The following NEBL variants were observed in gnomAD, a reference collection of about 807,000 sequenced individuals.
The protein encoded by NEBL is LIM and SH3 protein 2.
NEBL carries 122 observed loss-of-function variants against 140.2 expected under a neutral mutation model. The ratio of observed to expected loss-of-function variants is 0.87; its 90% CI spans 0.75 to 1.01. The LOEUF (loss-of-function observed/expected upper bound fraction) is 1.01. NEBL is among the 50% of genes least tolerant of loss of function. NEBL has a pLI of 0.00. For synonymous variants in NEBL, 436 were observed against 398.9 expected (o/e 1.09, Z -1.11); for missense variants, 1,365 against 1,231.3 (o/e 1.11, Z -1.62).
intron 2 of NEBL, among the ~76,000 whole-genome samples, chr10:21,020,992 T>A (rs572525507): frequency 6.6e-6 from 1 of 152,148 alleles, no homozygotes; most frequent in South Asian, 2.1e-4. Flanking sequence ...CCAGCACAAC[T>A]CCACCAGTCC....
intron 1 of NEBL, among the ~76,000 whole-genome samples, chr10:21,275,128 G>A (rs977521450): frequency 6.6e-6 from 1 of 152,070 alleles, no homozygotes; most frequent in Admixed American, 6.6e-5. Flanking sequence ...CAGATGAGAT[G>A]CCCACCCCAC....
At chr10:21,171,794 A>T (rs1026757045) in intron 2 of NEBL, 1 of 161,592 alleles carries the variant, frequency 6.2e-6, no homozygotes, top group Non-Finnish European at 1.4e-5. Flanking sequence ...CTACTACAGC[A>T]CTAACCAGTC....
intron 4 of NEBL, among the ~76,000 whole-genome samples, chr10:20,926,283 G>T (rs1356314871): frequency 6.6e-6 from 1 of 152,122 alleles, no homozygotes; most frequent in East Asian, 1.9e-4. Flanking sequence ...GAAGTAACCT[G>T]GTACCACAGA....
chr10:20,870,522 C>T (rs975322170), intron 5 of NEBL, among the ~76,000 whole-genome samples: 1 of 152,088 alleles, frequency 6.6e-6, no homozygotes, highest in Non-Finnish European at 1.5e-5. Context: ...CACAAAGTCT[C>T]AAGCCCCAGT....
chr10:21,242,719 T>A (rs189713836), intron 3 of NEBL, among the ~76,000 whole-genome samples: 7 of 152,314 alleles, frequency 4.6e-5, no homozygotes, highest in African/African-American at 1.7e-4. Flanking sequence ...AGGTAGTTTG[T>A]ATTTACAAAG....
chr10:21,172,946 C>T (rs1026270735), intron 1 of NEBL, among the ~76,000 whole-genome samples: 1 of 152,200 alleles, frequency 6.6e-6, no homozygotes, highest in Non-Finnish European at 1.5e-5. Flanking sequence ...ACCTGACCAG[C>T]TTCCACTAAA....
chr10:21,279,724 C>T (rs2132296802), intron 1 of NEBL, among the ~76,000 whole-genome samples: 1 of 150,014 alleles, frequency 6.7e-6, no homozygotes, highest in Non-Finnish European at 1.5e-5. Flanking sequence ...CATCATTGCA[C>T]TCCAGTCTGG....
At chr10:20,847,625 G>A (rs760832101) in intron 11 of NEBL, among the ~76,000 whole-genome samples, 14 of 152,220 alleles carry the variant, frequency 9.2e-5, no homozygotes, top group East Asian at 1.9e-4. Flanking sequence ...AAGAGGGGAG[G>A]GGGTAAAGGG....
rs188310779 is a variant in NEBL, at chr10:20,905,286, A to G, written c.357+56386T>C. ...TAGCAGAAACCAAGTGTATTAGCCC[A>G]TTTTCACATTGCTATAAAAACATAC... On this transcript the variant is annotated intron_variant, in intron 4 of 6. Transcript: ENST00000417816. Among the ~76,000 whole-genome samples the G allele has an allele frequency of 2.5e-3, 374 of 152,320 alleles. 1 individual carries two copies. The highest frequency in any genetic ancestry group is 3.8e-3 in the Non-Finnish European group (257 of 68,034).
chr10:21,046,724 C>T (rs1564492031), intron 2 of NEBL, among the ~76,000 whole-genome samples: 1 of 152,096 alleles, frequency 6.6e-6, no homozygotes, highest in Non-Finnish European at 1.5e-5. Context: ...CCTCAGCCTC[C>T]CAAGTAGCTG....
intron 2 of NEBL, among the ~76,000 whole-genome samples, chr10:21,129,701 C>G (rs1839009611): frequency 6.6e-6 from 1 of 151,472 alleles, no homozygotes; most frequent in African/African-American, 2.4e-5. Flanking sequence ...TATTGCAAAC[C>G]TCAGGGCAAC....
intron 3 of NEBL, among the ~76,000 whole-genome samples, chr10:21,222,644 A>C (rs556192841): frequency 3.5e-4 from 53 of 152,324 alleles, no homozygotes; most frequent in African/African-American, 1.2e-3. Flanking sequence ...TATGGGGTAC[A>C]TGAAATATTT....
intron 7 of NEBL, among the ~76,000 whole-genome samples, chr10:20,862,039 T>C (rs1427381998): frequency 6.6e-6 from 1 of 152,146 alleles, no homozygotes; most frequent in Non-Finnish European, 1.5e-5. Flanking sequence ...GAACATCTCA[T>C]ATAATTTGTT....
intron 2 of NEBL, chr10:21,125,965 G>T (rs140526764): frequency 1.2e-6 from 2 of 1,614,160 alleles, no homozygotes; most frequent in South Asian, 1.1e-5. Context: ...GCCTGGATCT[G>T]GTTCAGGAGC....
At chr10:20,991,190 G>T (rs1470833158) in intron 3 of NEBL, among the ~76,000 whole-genome samples, 1 of 152,014 alleles carries the variant, frequency 6.6e-6, no homozygotes, top group Non-Finnish European at 1.5e-5. Context: ...TCCTAAATGG[G>T]GAATTGGCTC....
chr10:21,264,696 TAAAAAAAAAAAAAAAAAAA>T (rs71392177), intron 1 of NEBL, among the ~76,000 whole-genome samples: 72 of 30,728 alleles, frequency 2.3e-3, no homozygotes, highest in African/African-American at 6.8e-3. Flanking sequence ...AGTTGCTATT[TAAAAAAAAAAAAAAAAAAA>T]AAAAAAAAAA....
Position 20,938,602 on chromosome 10 carries a change from G to A in NEBL, c.357+23070C>T, listed in dbSNP as rs562873587. ...AAGCTGGATGGAGAATGACTTTGAC[G>A]AGTTGAGAGAAGAAGGCTTCAGACA... On this transcript the variant is annotated intron_variant, in intron 4 of 6. Coordinates refer to the NEBL transcript ENST00000417816. Among the ~76,000 whole-genome samples, 29 of 152,326 alleles carry A rather than the reference G, an allele frequency of 1.9e-4. 1 individual carries two copies. The highest frequency in any genetic ancestry group is 5.8e-4 in the African/African-American group (24 of 41,572).
intron 3 of NEBL, among the ~76,000 whole-genome samples, chr10:21,005,505 T>TG (rs113149472): frequency 0.16 from 24,676 of 152,088 alleles, 3,140 homozygotes; most frequent in East Asian, 0.54. Context: ...AAGGTCAAGA[T>TG]GGGGGGATCG....
chr10:21,209,295 C>A (rs750483320), intron 3 of NEBL, among the ~76,000 whole-genome samples: 1 of 152,162 alleles, frequency 6.6e-6, no homozygotes, highest in Non-Finnish European at 1.5e-5. Flanking sequence ...GAAGGGTTGC[C>A]AGATAAAACA....
Sources: gnomAD v4.1 joint callset for allele counts (sites outside exome capture counted in the v4.1 genomes callset) on GRCh38, gnomAD v4.1.1 for gene constraint, MANE v1.5 for transcripts, NCBI Gene and HGNC (gene_info 2026-07-23, HGNC 2026-07-21) for gene names.